Variants in NAA16 observed in about 807,000 individuals in gnomAD.
NAA16 encodes NARG1-like protein.
Under a neutral mutation model 110.3 loss-of-function variants are expected in NAA16, and 97 were observed. That is an observed-to-expected ratio of 0.88 (90% CI 0.75 to 1.04). The LOEUF is 1.04. NAA16 is among the 50% of genes least tolerant of loss of function. The probability of loss-of-function intolerance (pLI) is 0.00; values close to 1 mark genes in which losing one functional copy is unlikely to be tolerated. For synonymous variants in NAA16, 372 were observed against 330.6 expected, an observed-to-expected ratio of 1.13 and a Z score of -1.36; for missense variants, 1,017 against 1,005.1, an observed-to-expected ratio of 1.01 and a Z score of -0.16.
intron 13 of NAA16, among the ~76,000 whole-genome samples, chr13:41,363,758 A>G (rs2043157663): frequency 6.6e-6 from 1 of 152,168 alleles, no homozygotes; most frequent in Non-Finnish European, 1.5e-5. Context: ...CCCTCTGGTC[A>G]TGTTACATAA....
In NAA16 at chr13:41,375,414, A is replaced by C; in HGVS notation, c.2407A>C (p.Lys803Gln). ...CCTTTTGTTTCACTAGACATTAATA[A>C]AGGTTTCTGAAGCACTGCTTGATGG... is the stretch of plus-strand genomic sequence containing the variant. Reference protein sequence around the residue: ...IKDKDVKTLIKVSEALLDGSF... With the variant: ...IKDKDVKTLIQVSEALLDGSF... Residue 803 changes from lysine to glutamine, a missense_variant, in exon 20 of 20, where the codon AAG (lysine) becomes CAG (glutamine). Lys to Gln is a moderately conservative substitution (Grantham distance 53, BLOSUM62 1). Transcript: ENST00000379406. 1 of 1,610,566 alleles carries C rather than the reference A, an allele frequency of 6.2e-7. No individual in the cohort carries two copies. The highest frequency in any genetic ancestry group is 8.5e-7 in the Non-Finnish European group (1 of 1,177,798).
intron 1 of NAA16, among the ~76,000 whole-genome samples, chr13:41,312,620 G>A (rs2041658189): frequency 6.6e-6 from 1 of 152,284 alleles, no homozygotes; most frequent in East Asian, 1.9e-4. Context: ...TGAAAGCTGG[G>A]TTGGCTATAT....
intron 9 of NAA16, among the ~76,000 whole-genome samples, chr13:41,341,117 GAA>G (rs1369058685): frequency 6.6e-6 from 1 of 152,160 alleles, no homozygotes; most frequent in Non-Finnish European, 1.5e-5. Context: ...GTGGTGCTGA[GAA>G]GAGTGTATAT....
At chr13:41,332,808 G>A (rs993805417) in intron 8 of NAA16, among the ~76,000 whole-genome samples, 52 of 146,740 alleles carry the variant, frequency 3.5e-4, no homozygotes, top group Admixed American at 1.4e-3. Flanking sequence ...TGACTGACTT[G>A]TGAAATACCT....
chr13:41,314,838 A>T (rs2041765471), intron 1 of NAA16, among the ~76,000 whole-genome samples: 1 of 151,174 alleles, frequency 6.6e-6, no homozygotes, highest in African/African-American at 2.5e-5. Context: ...ATAAAAAAAT[A>T]AAAAAAAATT....
chr13:41,324,363 C>CTTTTTTTTTTTTTTTTTTTT (rs71086562), intron 5 of NAA16, among the ~76,000 whole-genome samples: 2 of 66,060 alleles, frequency 3.0e-5, no homozygotes, highest in Non-Finnish European at 2.7e-5. Context: ...TTCTTTCTTT[C>CTTTTTTTTTTTTTTTTTTTT]TTTTTTTTTT....
rs1475921605 is a variant in NAA16 at position 41,375,605 on chromosome 13, T to C, written c.*3T>C. 6.2e-7 allele frequency: 1 copy of C among 1,610,716 alleles called. No homozygotes were observed. The highest frequency in any genetic ancestry group is 2.2e-5 in the East Asian group (1 of 44,820). ...ATGTCTTGGCAAATGAAATTTGAAATCTTCTAGAAAGTAGACTCCTATAGA... is the reference window on the plus strand; with the variant it reads ...ATGTCTTGGCAAATGAAATTTGAAACCTTCTAGAAAGTAGACTCCTATAGA... On this transcript the variant is annotated 3_prime_UTR_variant, in exon 20 of 20. Coordinates refer to ENST00000379406, the MANE Select transcript of NAA16 (RefSeq NM_024561.5).
At chr13:41,350,687 C>G (rs2042814112) in intron 9 of NAA16, among the ~76,000 whole-genome samples, 1 of 145,402 alleles carries the variant, frequency 6.9e-6, no homozygotes, top group Non-Finnish European at 1.5e-5. Context: ...ATGGCGCAAT[C>G]TTGGTTCACT....
At chr13:41,355,379 A>G (rs1474369033) in intron 10 of NAA16, among the ~76,000 whole-genome samples, 163 bp downstream of exon 10, 1 of 152,200 alleles carries the variant, frequency 6.6e-6, no homozygotes, top group African/African-American at 2.4e-5. Flanking sequence ...TACTTAATTT[A>G]AATTTTCCAT....
At chr13:41,316,956 T>C in intron 2 of NAA16, 26 bp downstream of exon 2, 1 of 1,495,170 alleles carries the variant, frequency 6.7e-7, no homozygotes, top group Non-Finnish European at 9.3e-7. Flanking sequence ...AGAGATTGCT[T>C]TAGGGAAATC....
At chr13:41,323,366 T>TTC (rs1479889720) in intron 5 of NAA16, among the ~76,000 whole-genome samples, 176 bp downstream of exon 5, 1 of 151,730 alleles carries the variant, frequency 6.6e-6, no homozygotes, top group Non-Finnish European at 1.5e-5. Flanking sequence ...TTTTTTTTTT[T>TTC]CCGAGACGGA....
At chr13:41,355,115 T>TTAA in intron 9 of NAA16, 29 bp from the exon 10 acceptor site, 1 of 1,397,506 alleles carries the variant, frequency 7.2e-7, no homozygotes. Flanking sequence ...AAGATATTTT[T>TTAA]AAATTTTAAA....
chr13:41,362,297 C>T, intron 13 of NAA16, 138 bp downstream of exon 13: 2 of 810,382 alleles, frequency 2.5e-6, no homozygotes, highest in Non-Finnish European at 3.7e-6. Context: ...TTAACCTTTA[C>T]ATTCAGAAGT....
At chr13:41,355,045 A>T in intron 9 of NAA16, 99 bp from the exon 10 acceptor site, 1 of 706,790 alleles carries the variant, frequency 1.4e-6, no homozygotes, top group African/African-American at 1.8e-5. Context: ...TATAGTTCTG[A>T]AATAAGCTGT....
intron 9 of NAA16, among the ~76,000 whole-genome samples, chr13:41,342,224 G>A (rs1311813247): frequency 2.2e-4 from 33 of 146,956 alleles, no homozygotes; most frequent in Non-Finnish European, 1.9e-4. Flanking sequence ...TGCAACTTCC[G>A]CCTCCCAGGT....
intron 9 of NAA16, among the ~76,000 whole-genome samples, chr13:41,343,197 T>C (rs1011797185): frequency 6.6e-6 from 1 of 152,178 alleles, no homozygotes; most frequent in South Asian, 2.1e-4. Flanking sequence ...CTTGACTTCC[T>C]GGGTTCAAGT....
intron 13 of NAA16, among the ~76,000 whole-genome samples, chr13:41,364,032 A>G (rs2043162935): frequency 6.6e-6 from 1 of 151,422 alleles, no homozygotes; most frequent in East Asian, 2.0e-4. Flanking sequence ...TAATATCTAA[A>G]TTTTCTAATC....
intron 9 of NAA16, among the ~76,000 whole-genome samples, chr13:41,351,086 T>C (rs1468812102): frequency 6.6e-6 from 1 of 152,228 alleles, no homozygotes; most frequent in Non-Finnish European, 1.5e-5. Context: ...CCTAGGCTGG[T>C]ACACTTTGAT....
At position 41,328,732 on chromosome 13, in the gene NAA16, C is replaced by A. The variant is rs766665176; in HGVS notation, c.700C>A (p.Leu234Met). The A allele has an allele frequency of 6.2e-6, 10 of 1,604,342 alleles. No individual in the cohort carries two copies. The highest frequency in any genetic ancestry group is 1.3e-5 in the African/African-American group (1 of 74,564). Residue 234 changes from leucine to methionine, a missense_variant, in exon 7 of 20, where the codon CTG (leucine) becomes ATG (methionine). By Grantham distance (15) the Leu-to-Met change is conservative (BLOSUM62 2). Transcript: ENST00000379406. The stretch of plus-strand genomic sequence containing the variant: ...TTTAAACTTAATTTCAGGGGAAATA[C>A]TGTTGAAATTGGGAAGATTAAAAGA... ...LLVEEIKGEI[L>M]LKLGRLKEAS...
Sources: gnomAD v4.1 joint callset for allele counts (sites outside exome capture counted in the v4.1 genomes callset) on GRCh38, gnomAD v4.1.1 for gene constraint, MANE v1.5 for transcripts, NCBI Gene and HGNC (gene_info 2026-07-23, HGNC 2026-07-21) for gene names.